TFG: variants seen among roughly 807,000 people sequenced by gnomAD.
TFG encodes the protein protein TFG.
TFG carries 22 observed loss-of-function variants against 51.4 expected under a neutral mutation model. That is an observed-to-expected ratio of 0.43 (90% CI 0.31 to 0.61). The LOEUF (loss-of-function observed/expected upper bound fraction) is 0.61, where lower values mean the gene tolerates loss of function less well. Ranked by LOEUF, TFG falls within the 20% of genes least tolerant of loss-of-function variation. The probability of loss-of-function intolerance (pLI) is 0.12; values close to 1 mark genes in which losing one functional copy is unlikely to be tolerated. For synonymous variants in TFG, 187 were observed against 165.6 expected (o/e 1.13, Z -0.99); for missense variants, 419 against 487.7 (o/e 0.86, Z 1.33).
chr3:100,733,024 A>G (rs1251514473), intron 5 of TFG, among the ~76,000 whole-genome samples: 1 of 152,204 alleles, frequency 6.6e-6, no homozygotes, highest in African/African-American at 2.4e-5. Context: ...CAGTATTCGA[A>G]TTATATTTGA....
At chr3:100,738,340 A>G (rs1490505318) in intron 6 of TFG, among the ~76,000 whole-genome samples, 1 of 152,252 alleles carries the variant, frequency 6.6e-6, no homozygotes, top group Admixed American at 6.5e-5. Context: ...TAATGCCTAC[A>G]TCAAGCGAAC....
At chr3:100,742,516 C>G (rs1280958489) in intron 6 of TFG, 1 of 152,174 alleles carries the variant, frequency 6.6e-6, no homozygotes, top group South Asian at 2.1e-4. Flanking sequence ...GGGGACCAAC[C>G]CTGACAGGTT....
intron 2 of TFG, among the ~76,000 whole-genome samples, chr3:100,715,814 G>GT (rs2095044234): frequency 6.7e-6 from 1 of 150,248 alleles, no homozygotes; most frequent in African/African-American, 2.5e-5. Flanking sequence ...TTTAACTCCT[G>GT]TCCCCAGGCA....
chr3:100,731,755 C>A (rs896150028), intron 4 of TFG, among the ~76,000 whole-genome samples: 1 of 151,958 alleles, frequency 6.6e-6, no homozygotes, highest in African/African-American at 2.4e-5. Context: ...TTGGGTTTTG[C>A]CAGGCTGGTC....
intron 1 of TFG, among the ~76,000 whole-genome samples, chr3:100,712,509 G>A (rs1019146647): frequency 6.6e-6 from 1 of 152,154 alleles, no homozygotes; most frequent in African/African-American, 2.4e-5. Context: ...GGCAGGAGGA[G>A]GAAGGAGTTA....
At chr3:100,725,341 C>G (rs1266666140) in intron 3 of TFG, among the ~76,000 whole-genome samples, 1 of 152,026 alleles carries the variant, frequency 6.6e-6, no homozygotes, top group African/African-American at 2.4e-5. Flanking sequence ...TGGGATAAAT[C>G]TAACATGGCA....
chr3:100,723,572 A>G (rs2095066609), intron 3 of TFG, among the ~76,000 whole-genome samples: 1 of 152,210 alleles, frequency 6.6e-6, no homozygotes, highest in Admixed American at 6.5e-5. Flanking sequence ...AGACAAATGC[A>G]AAGAAAGCTG....
chr3:100,724,703 A>G (rs2095070071), intron 3 of TFG, among the ~76,000 whole-genome samples: 1 of 152,238 alleles, frequency 6.6e-6, no homozygotes, highest in South Asian at 2.1e-4. Context: ...AGTAATATTT[A>G]CAAATCAAAC....
At chr3:100,746,631 A>G (rs774787553) in intron 7 of TFG, among the ~76,000 whole-genome samples, 8 of 151,706 alleles carry the variant, frequency 5.3e-5, no homozygotes, top group Non-Finnish European at 1.0e-4. Flanking sequence ...ACACACACAC[A>G]TGATAGAAGC....
At chr3:100,724,878 G>A (rs534084098) in intron 3 of TFG, among the ~76,000 whole-genome samples, 83 of 152,264 alleles carry the variant, frequency 5.5e-4, no homozygotes, top group Non-Finnish European at 9.6e-4. Flanking sequence ...CAATCATGTT[G>A]AAAAGTCGTA....
chr3:100,745,377 T>A (rs1422580094), intron 7 of TFG, among the ~76,000 whole-genome samples: 1 of 152,198 alleles, frequency 6.6e-6, no homozygotes, highest in Non-Finnish European at 1.5e-5. Context: ...ATTAAGCTAC[T>A]TAGATTTTAA....
chr3:100,716,462 T>C (rs1204335729), intron 2 of TFG, among the ~76,000 whole-genome samples: 1 of 152,252 alleles, frequency 6.6e-6, no homozygotes, highest in Non-Finnish European at 1.5e-5. Flanking sequence ...TTAGGTTGAT[T>C]CCATATCTTG....
rs566819958 is a variant in TFG, at chr3:100,732,691, C to G, written c.580+19C>G. ...GTTTCAGGTAAGTTGGTTTCCAACT[C>G]CTTTACACCCTTCGTTTCCTTCATC... On this transcript the variant is annotated intron_variant, in intron 5 of 7. Transcript: ENST00000240851. 8.3e-6 allele frequency: 13 copies of G among 1,567,446 alleles called. No individual in the cohort carries two copies. The highest frequency in any genetic ancestry group is 1.1e-5 in the Non-Finnish European group (13 of 1,154,448).
At chr3:100,728,512 G>A (rs2095082186) in intron 3 of TFG, among the ~76,000 whole-genome samples, 200 bp from the exon 4 acceptor site, 1 of 151,304 alleles carries the variant, frequency 6.6e-6, no homozygotes, top group Admixed American at 6.6e-5. Context: ...CATCAAGAAA[G>A]ACTGATAATT....
At chr3:100,733,363 T>C (rs1232860235) in intron 5 of TFG, among the ~76,000 whole-genome samples, 3 of 152,208 alleles carry the variant, frequency 2.0e-5, no homozygotes, top group Non-Finnish European at 2.9e-5. Context: ...TCTAATATGC[T>C]GTGGAACCTT....
At chr3:100,746,774 T>C (rs1182720305) in intron 7 of TFG, among the ~76,000 whole-genome samples, 1 of 152,144 alleles carries the variant, frequency 6.6e-6, no homozygotes, top group Non-Finnish European at 1.5e-5. Flanking sequence ...AATTCAGATT[T>C]CAGGTGCCAG....
intron 5 of TFG, among the ~76,000 whole-genome samples, chr3:100,733,695 A>G (rs1340284259): frequency 6.6e-6 from 1 of 151,990 alleles, no homozygotes; most frequent in African/African-American, 2.4e-5. Context: ...AAAACTAGAC[A>G]TTCTGGTTAA....
intron 2 of TFG, 21 bp from the exon 3 acceptor site, chr3:100,719,952 CCT>C: frequency 1.4e-6 from 2 of 1,409,406 alleles, no homozygotes; most frequent in Non-Finnish European, 1.9e-6. Flanking sequence ...TAAAAAACAA[CCT>C]TTTTTTTTTT....
upstream of TFG, chr3:100,709,453 A>T (rs1253543513): frequency 1.3e-5 from 2 of 152,154 alleles, no homozygotes; most frequent in Non-Finnish European, 2.9e-5. Flanking sequence ...CGCAATAAGG[A>T]GGGGCGAAAG....
Sources: gnomAD v4.1 joint callset for allele counts (sites outside exome capture counted in the v4.1 genomes callset) on GRCh38, gnomAD v4.1.1 for gene constraint, MANE v1.5 for transcripts, NCBI Gene and HGNC (gene_info 2026-07-23, HGNC 2026-07-21) for gene names.